GALC: variants seen among roughly 807,000 people sequenced by gnomAD.
The protein encoded by GALC is galactosylceramidase.
In GALC, 77 loss-of-function variants were observed where a neutral mutation model predicts 91.8. The ratio of observed to expected loss-of-function variants is 0.84; its 90% CI spans 0.70 to 1.01. The LOEUF is 1.01. Among genes scored for constraint, GALC ranks in the 50% least tolerant of loss-of-function variants. The pLI, the probability that GALC is intolerant of heterozygous loss-of-function variation, is 0.00. For synonymous variants in GALC, 357 were observed against 306.7 expected (o/e 1.16, Z -1.71); for missense variants, 882 against 855.9 (o/e 1.03, Z -0.38).
At chr14:87,971,854 A>G (rs1886304924) in intron 7 of GALC, among the ~76,000 whole-genome samples, 3 of 152,188 alleles carry the variant, frequency 2.0e-5, no homozygotes, top group Admixed American at 2.0e-4. Context: ...GGAATGGTAG[A>G]GCTTCAACAT....
chr14:87,965,678 T>C (rs1167078515), intron 8 of GALC, 49 bp from the exon 9 acceptor site: 1 of 1,600,264 alleles, frequency 6.2e-7, no homozygotes, highest in Non-Finnish European at 8.6e-7. Flanking sequence ...GTGATAAAAA[T>C]GTAAATGTCT....
rs546135626 is a variant in GALC at position 87,990,451 on chromosome 14, T to C, written c.196-1928A>G. Among the ~76,000 whole-genome samples, 353 of 152,338 alleles carry C rather than the reference T, an allele frequency of 2.3e-3. 1 individual carries two copies. The highest frequency in any genetic ancestry group is 8.2e-3 in the African/African-American group (339 of 41,580). On this transcript the variant is annotated intron_variant, in intron 1 of 16. Coordinates refer to ENST00000261304, the MANE Select transcript of GALC (RefSeq NM_000153.4). The stretch of plus-strand genomic sequence containing the variant: ...AGGACTTGGCACATTACCTGGCACA[T>C]AGTAAGTTCTCAATAAAGGCAAGTG...
chr14:87,975,279 A>G (rs1185721622), intron 7 of GALC, among the ~76,000 whole-genome samples: 2 of 152,130 alleles, frequency 1.3e-5, no homozygotes, highest in Non-Finnish European at 2.9e-5. Flanking sequence ...CAACAAATTA[A>G]AAGAAAGAAA....
chr14:87,974,866 A>G (rs1490824619), intron 7 of GALC, among the ~76,000 whole-genome samples: 1 of 152,098 alleles, frequency 6.6e-6, no homozygotes, highest in Non-Finnish European at 1.5e-5. Flanking sequence ...AGGAAAATTC[A>G]TTACATTAAA....
intron 7 of GALC, among the ~76,000 whole-genome samples, chr14:87,971,798 AC>A (rs1417648101): frequency 3.3e-5 from 5 of 152,210 alleles, no homozygotes; most frequent in African/African-American, 9.6e-5. Flanking sequence ...ATTGAACAAT[AC>A]AGGTTTAAGC....
At chr14:87,945,179 T>C (rs1260729005) in intron 14 of GALC, among the ~76,000 whole-genome samples, 1 of 151,936 alleles carries the variant, frequency 6.6e-6, no homozygotes, top group Non-Finnish European at 1.5e-5. Flanking sequence ...GTCCACTAGA[T>C]GGCAACACCA....
intron 16 of GALC, among the ~76,000 whole-genome samples, chr14:87,937,316 A>T (rs1884619228): frequency 6.6e-6 from 1 of 151,912 alleles, no homozygotes; most frequent in African/African-American, 2.4e-5. Context: ...ATGCACACAC[A>T]CACAAAATGA....
At chr14:87,993,472 T>C, upstream of GALC, 2 of 1,535,732 alleles carry the variant, frequency 1.3e-6, no homozygotes, top group South Asian at 2.4e-5. Context: ...GGGCCATGAG[T>C]GGCCCTACCA....
intron 16 of GALC, among the ~76,000 whole-genome samples, chr14:87,936,210 G>A (rs2139928770): frequency 2.0e-5 from 3 of 152,078 alleles, no homozygotes; most frequent in Middle Eastern, 6.8e-3. Context: ...TACCCACTCA[G>A]TGAGGTCTTT....
At chr14:87,991,051 C>CA (rs1476362280) in intron 1 of GALC, among the ~76,000 whole-genome samples, 9 of 152,134 alleles carry the variant, frequency 5.9e-5, no homozygotes, top group African/African-American at 2.2e-4. Flanking sequence ...AACTGTATCC[C>CA]AAAAAAAGAA....
At chr14:87,961,847 G>A (rs184627502) in intron 10 of GALC, among the ~76,000 whole-genome samples, 185 of 152,232 alleles carry the variant, frequency 1.2e-3, no homozygotes, top group African/African-American at 4.0e-3. Context: ...TGAAGTACCC[G>A]ATCGAGAGAA....
chr14:87,937,707 CTAT>C (rs1884643563), intron 16 of GALC, among the ~76,000 whole-genome samples: 1 of 151,324 alleles, frequency 6.6e-6, no homozygotes, highest in East Asian at 2.0e-4. Flanking sequence ...GCCTCACATC[CTAT>C]TGATATTTTA....
chr14:87,989,367 T>C (rs79083631), intron 1 of GALC, among the ~76,000 whole-genome samples: 17,195 of 152,082 alleles, frequency 0.11, 1,143 homozygotes, highest in Non-Finnish European at 0.16. Context: ...GACATTCTGG[T>C]AAGTGCCCAT....
chr14:87,986,792 T>A lies in GALC; in HGVS notation c.329-190A>T, dbSNP rs529052497. On this transcript the variant is annotated intron_variant, in intron 3 of 16. Coordinates refer to ENST00000261304, the MANE Select transcript of GALC (RefSeq NM_000153.4). ...GATAAAAGCATATCATTTCATCCTT[T>A]TTTTATTATCTTAAGCATTGTAAAA... Among the ~76,000 whole-genome samples the A allele has an allele frequency of 2.0e-5, 3 of 152,258 alleles. No individual in the cohort carries two copies. In the East Asian group the frequency reaches 5.8e-4, roughly 29 times the overall value.
At chr14:87,961,457 A>G (rs1012467947) in intron 10 of GALC, among the ~76,000 whole-genome samples, 3 of 152,178 alleles carry the variant, frequency 2.0e-5, no homozygotes, top group Non-Finnish European at 4.4e-5. Flanking sequence ...TTCCACTCCT[A>G]CATACATACC....
chr14:87,978,457 T>A (rs1232385329), intron 6 of GALC, among the ~76,000 whole-genome samples: 3 of 152,236 alleles, frequency 2.0e-5, no homozygotes, highest in African/African-American at 7.2e-5. Flanking sequence ...CCAGTAAGAC[T>A]GCTTACTTTT....
intron 6 of GALC, among the ~76,000 whole-genome samples, chr14:87,978,486 T>G (rs1260521942): frequency 2.0e-5 from 3 of 152,232 alleles, no homozygotes; most frequent in Non-Finnish European, 4.4e-5. Flanking sequence ...TGTATTTGAA[T>G]AACATTCCAA....
intron 10 of GALC, among the ~76,000 whole-genome samples, chr14:87,957,401 C>T (rs1271772717): frequency 6.6e-6 from 1 of 151,950 alleles, no homozygotes; most frequent in Admixed American, 6.6e-5. Context: ...TAGATTGAAG[C>T]CTTTAATCCA....
chr14:87,991,270 C>T (rs1309637393), intron 1 of GALC, among the ~76,000 whole-genome samples: 3 of 151,960 alleles, frequency 2.0e-5, no homozygotes, highest in African/African-American at 4.8e-5. Flanking sequence ...TGGTGTGATC[C>T]CGGCTCACTG....
Sources: allele counts gnomAD v4.1 joint callset (sites outside exome capture counted in the v4.1 genomes callset), GRCh38; gene constraint gnomAD v4.1.1; transcripts MANE v1.5; gene names NCBI Gene and HGNC (gene_info 2026-07-23, HGNC 2026-07-21).